Variants in NCOA6 observed in about 807,000 individuals in gnomAD.
The protein encoded by NCOA6 is nuclear receptor coactivator 6.
NCOA6 carries 49 observed loss-of-function variants against 171.4 expected under a neutral mutation model. The observed-to-expected ratio is 0.29, with a 90% CI of 0.23 to 0.36. The LOEUF is 0.36. NCOA6 is among the 10% of genes least tolerant of loss of function. The pLI, the probability that NCOA6 is intolerant of heterozygous loss-of-function variation, is 1.00. For missense variants in NCOA6, 2,248 were observed against 2,554.5 expected, an observed-to-expected ratio of 0.88 and a Z score of 2.59; for synonymous variants, 910 against 927.5, an observed-to-expected ratio of 0.98 and a Z score of 0.34.
rs541954016 is a variant in NCOA6, at chr20:34,781,758, A to G, written c.235+363T>C. Among the ~76,000 whole-genome samples the G allele has an allele frequency of 3.9e-5, 6 of 152,394 alleles. No homozygotes were observed. In the South Asian group the frequency reaches 8.3e-4, roughly 21 times the overall value. On this transcript the variant is annotated intron_variant, in intron 3 of 14. Transcript: ENST00000359003. ...ATATTATAAGCAGATTCATGGAATA[A>G]TAAGTTTTCTAAGCTTTAAGGGTCC... is the stretch of plus-strand genomic sequence containing the variant.
At chr20:34,770,850 G>C (rs577276817) in intron 4 of NCOA6, among the ~76,000 whole-genome samples, 2 of 151,824 alleles carry the variant, frequency 1.3e-5, no homozygotes, top group East Asian at 3.9e-4. Flanking sequence ...GACTGGTCTC[G>C]AATTCCTGAC....
At chr20:34,748,658 G>T (rs891965796) in intron 9 of NCOA6, among the ~76,000 whole-genome samples, 2 of 152,080 alleles carry the variant, frequency 1.3e-5, no homozygotes, top group Non-Finnish European at 2.9e-5. Flanking sequence ...AATATAAATT[G>T]TTAATTGCCT....
At chr20:34,793,431 G>GT (rs1429521987) in intron 1 of NCOA6, among the ~76,000 whole-genome samples, 1 of 151,752 alleles carries the variant, frequency 6.6e-6, no homozygotes, top group Non-Finnish European at 1.5e-5. Flanking sequence ...TAAATTTTCA[G>GT]TTTAAGTCTT....
intron 9 of NCOA6, among the ~76,000 whole-genome samples, chr20:34,748,969 C>G (rs913522939): frequency 2.6e-5 from 4 of 152,094 alleles, no homozygotes; most frequent in Non-Finnish European, 5.9e-5. Flanking sequence ...TTGCCAAAAC[C>G]CCCCGACACT....
chr20:34,757,209 G>GAGGAAA lies in NCOA6; in HGVS notation c.1528+10_1528+11insTTTCCT. 6.5e-7 allele frequency: 1 copy of GAGGAAA among 1,548,038 alleles called. No homozygotes were observed. The highest frequency in any genetic ancestry group is 8.7e-7 in the Non-Finnish European group (1 of 1,149,720). Reference sequence around the variant, plus strand: ...AAATTTACCAACACAAATAGCTACAGTGTTCCTCACCTCCTAGGCCTGGAT... The same window carrying GAGGAAA: ...AAATTTACCAACACAAATAGCTACAGAGGAAATGTTCCTCACCTCCTAGGCCTGGAT... On this transcript the variant is annotated intron_variant, in intron 7 of 14. Transcript: ENST00000359003.
chr20:34,742,789 A>G lies in NCOA6; in HGVS notation c.3467T>C (p.Leu1156Pro). The G allele has an allele frequency of 6.2e-7, 1 of 1,614,130 alleles. No homozygotes were observed. The highest frequency in any genetic ancestry group is 8.5e-7 in the Non-Finnish European group (1 of 1,180,016). The change falls in exon 11 of 15, where the codon CTT becomes CCT. Residue 1156 changes from leucine (L) to proline (P), a missense_variant. Leu to Pro is a moderately conservative substitution (Grantham distance 98, BLOSUM62 -3). This residue lies in a region of NCOA6 where 352 missense variants were observed against 419.1 expected (regional missense o/e 0.84). Transcript: ENST00000359003. ...TGTCATCATTAACTGATTCTGGGGA[A>G]GTACTACATGTGAAGGCATGTTGTT... ...GPNNMPSHVVLPQNQLMMTGP... is the reference protein window; with the variant it reads ...GPNNMPSHVVPPQNQLMMTGP...
chr20:34,769,023 A>C (rs2145976216), intron 4 of NCOA6, among the ~76,000 whole-genome samples: 2 of 151,856 alleles, frequency 1.3e-5, no homozygotes, highest in Middle Eastern at 3.4e-3. Flanking sequence ...TAAAGAAGAA[A>C]GAACCTATAC....
At chr20:34,790,713 G>C (rs568302346) in intron 2 of NCOA6, among the ~76,000 whole-genome samples, 20 of 152,012 alleles carry the variant, frequency 1.3e-4, no homozygotes, top group African/African-American at 4.6e-4. Context: ...GCAGTGGCGT[G>C]ATCTTGGCTC....
chr20:34,754,820 G>A lies in NCOA6; in HGVS notation c.1577C>T (p.Pro526Leu), dbSNP rs144477396. The change falls in exon 8 of 15, where the codon CCG becomes CTG. Residue 526 changes from proline (P) to leucine (L), a missense_variant. Pro to Leu is a moderately conservative substitution (Grantham distance 98). Transcript: ENST00000359003. ...PPGFSAGQAN[P>L]NFMQGQVPST... ...AGGCACCTGACCTTGCATAAAGTTC[G>A]GATTGGCCTGTCCTGCTGAGAAGCC... 1,652 of 1,614,000 alleles carry A rather than the reference G, an allele frequency of 1.0e-3. 2 individuals are homozygous for A. The highest frequency in any genetic ancestry group is 1.3e-3 in the Non-Finnish European group (1,585 of 1,180,014).
At chr20:34,727,225 G>T (rs1273031908) in intron 14 of NCOA6, 34 bp downstream of exon 14, 3 of 1,607,154 alleles carry the variant, frequency 1.9e-6, no homozygotes, top group South Asian at 1.1e-5. Flanking sequence ...TCCTCTATTT[G>T]ACCCACAAAT....
Position 34,822,848 on chromosome 20 carries a change from T to C in NCOA6, c.-164+2624A>G, listed in dbSNP as rs192494798. ...GAGAAAAAAATCTCTTTTACTAACT[T>C]TTAACTGAAAATTACCATTCTATTC... On this transcript the variant is annotated intron_variant, in intron 1 of 14. Transcript: ENST00000359003. Among the ~76,000 whole-genome samples the C allele has an allele frequency of 9.2e-3, 1,403 of 152,278 alleles. 10 individuals carry two copies. Among genetic ancestry groups the C allele is most frequent in the Non-Finnish European group, 0.015 (1,011 of 68,026 alleles).
intron 5 of NCOA6, among the ~76,000 whole-genome samples, chr20:34,761,781 G>A (rs992680126): frequency 1.6e-4 from 25 of 151,950 alleles, no homozygotes; most frequent in African/African-American, 6.0e-4. Context: ...TCAGCCTCCC[G>A]AGTAGATAGG....
At chr20:34,723,260 G>A (rs754117848) in intron 14 of NCOA6, among the ~76,000 whole-genome samples, 6 of 152,168 alleles carry the variant, frequency 3.9e-5, no homozygotes, top group Non-Finnish European at 7.3e-5. Flanking sequence ...CTATCTCCAG[G>A]CAGATAGTGT....
chr20:34,765,901 T>C (rs2076969000), intron 5 of NCOA6, among the ~76,000 whole-genome samples: 1 of 152,234 alleles, frequency 6.6e-6, no homozygotes, highest in Non-Finnish European at 1.5e-5. Context: ...AAAAGACTCT[T>C]GCTTATTAGC....
intron 1 of NCOA6, among the ~76,000 whole-genome samples, chr20:34,808,078 A>C (rs983144334): frequency 1.3e-5 from 2 of 151,428 alleles, no homozygotes; most frequent in African/African-American, 4.8e-5. Context: ...TGAACCCAGG[A>C]GGCGGAGGTT....
In NCOA6 at chr20:34,732,237, A is replaced by G. The variant is rs553142940; in HGVS notation, c.5999+322T>C. ...TTAGAAGACAGCTGCAAGGACTATT[A>G]TTAATATTAATATCAATGGTAACAA... On this transcript the variant is annotated intron_variant, in intron 13 of 14. Transcript: ENST00000359003. Among the ~76,000 whole-genome samples, 10 of 152,316 alleles carry G rather than the reference A, an allele frequency of 6.6e-5. No homozygotes were observed. In the East Asian group the frequency reaches 1.9e-3, roughly 29 times the overall value.
intron 11 of NCOA6, among the ~76,000 whole-genome samples, chr20:34,739,895 G>A (rs570974474): frequency 1.3e-5 from 2 of 152,178 alleles, no homozygotes; most frequent in South Asian, 2.1e-4. Flanking sequence ...ACAGAGTCTC[G>A]CTCTGTTGCC....
intron 14 of NCOA6, among the ~76,000 whole-genome samples, chr20:34,721,427 G>T (rs117455133): frequency 9.3e-6 from 1 of 107,626 alleles, no homozygotes; most frequent in South Asian, 2.7e-4. Flanking sequence ...TCTTCATCTG[G>T]CTGTTCATTT....
Position 34,742,867 on chromosome 20 carries a change from G to A in NCOA6, c.3389C>T (p.Ala1130Val), listed in dbSNP as rs747209629. The change falls in exon 11 of 15, where the codon GCC (alanine) becomes GTC (valine). Residue 1130 changes from alanine to valine, a missense_variant. Ala to Val is a moderately conservative substitution (Grantham distance 64). Around this residue, in one of 7 missense-constraint regions of NCOA6, gnomAD observed 352 missense variants for 419.1 expected, o/e 0.84. Transcript: ENST00000359003. ...ACTGCCACTTGCTTCAGGGAGTGAG[G>A]CCATCTCCGCCAGTGGCGAGCTGGA... is the stretch of plus-strand genomic sequence containing the variant. ...NPSSSPLAEM[A>V]SLPEASGSEA... 2 of 1,614,190 alleles carry A rather than the reference G, an allele frequency of 1.2e-6. No individual in the cohort carries two copies. The highest frequency in any genetic ancestry group is 1.1e-5 in the South Asian group (1 of 91,080).
Sources: gnomAD v4.1 joint callset for allele counts (sites outside exome capture counted in the v4.1 genomes callset) on GRCh38, gnomAD v4.1.1 for gene constraint, gnomAD v4.1.1 regional missense constraint, MANE v1.5 for transcripts, NCBI Gene and HGNC (gene_info 2026-07-23, HGNC 2026-07-21) for gene names.